The following ASIC2 variants were observed in gnomAD, a reference collection of about 807,000 sequenced individuals.
ASIC2 encodes acid sensing ion channel subunit 2.
A neutral mutation model predicts 57.3 loss-of-function variants in ASIC2; 25 were observed. The ratio of observed to expected loss-of-function variants is 0.44; its 90% CI spans 0.32 to 0.61. The LOEUF is 0.61. ASIC2 is among the 20% of genes least tolerant of loss of function. The pLI, the probability that ASIC2 is intolerant of heterozygous loss-of-function variation, is 0.06. For synonymous variants in ASIC2, 319 were observed against 307.5 expected (o/e 1.04, Z -0.39); for missense variants, 641 against 738.1 (o/e 0.87, Z 1.52).
chr17:33,710,085 G>T (rs1049159873), intron 1 of ASIC2, among the ~76,000 whole-genome samples: 6 of 152,204 alleles, frequency 3.9e-5, no homozygotes, highest in Admixed American at 3.9e-4. Context: ...AAGGAGATGA[G>T]ATTTCTCCTC....
chr17:33,379,358 C>T (rs1909395549), intron 1 of ASIC2, among the ~76,000 whole-genome samples: 1 of 152,188 alleles, frequency 6.6e-6, no homozygotes. Context: ...GCACTCAACG[C>T]AATGACTGGG....
chr17:33,539,050 G>T (rs1915324687), intron 1 of ASIC2, among the ~76,000 whole-genome samples: 1 of 152,184 alleles, frequency 6.6e-6, no homozygotes, highest in African/African-American at 2.4e-5. Flanking sequence ...CACAGACAGG[G>T]AACACAATCG....
chr17:33,127,690 G>C (rs904895801), intron 1 of ASIC2, among the ~76,000 whole-genome samples: 4 of 152,132 alleles, frequency 2.6e-5, no homozygotes, highest in African/African-American at 9.7e-5. Flanking sequence ...CCTCCTCTCA[G>C]TCCTGCCTAC....
intron 1 of ASIC2, among the ~76,000 whole-genome samples, chr17:33,496,952 C>T (rs1913955816): frequency 6.6e-6 from 1 of 152,106 alleles, no homozygotes; most frequent in South Asian, 2.1e-4. Flanking sequence ...TCCTGGTGCT[C>T]TGTGAGTCTC....
chr17:33,075,110 GGGAGGGACTA>G (rs1344788209), intron 3 of ASIC2, among the ~76,000 whole-genome samples: 1 of 152,140 alleles, frequency 6.6e-6, no homozygotes, highest in African/African-American at 2.4e-5. Context: ...CATGTGTTGT[GGGAGGGACTA>G]GGTGGGAGGT....
intron 1 of ASIC2, among the ~76,000 whole-genome samples, chr17:33,963,963 T>A (rs1436212436): frequency 1.3e-5 from 2 of 152,254 alleles, no homozygotes; most frequent in Admixed American, 6.5e-5. Flanking sequence ...CTTGACAAAG[T>A]CATTTGTTTT....
At chr17:33,681,702 C>G (rs1480822158) in intron 1 of ASIC2, among the ~76,000 whole-genome samples, 4 of 152,194 alleles carry the variant, frequency 2.6e-5, no homozygotes, top group Non-Finnish European at 5.9e-5. Flanking sequence ...TTCACCTGGT[C>G]GGCTCTAGTC....
chr17:33,048,551 T>C (rs953346851), intron 3 of ASIC2, among the ~76,000 whole-genome samples: 2 of 152,190 alleles, frequency 1.3e-5, no homozygotes, highest in Non-Finnish European at 2.9e-5. Flanking sequence ...TCCTAATGCA[T>C]GTTATGGTTA....
At position 33,756,591 on chromosome 17, in the gene ASIC2, A is replaced by C. The variant is rs181004536; in HGVS notation, c.555+399387T>G. On this transcript the variant is annotated intron_variant, in intron 1 of 9. Coordinates refer to the ASIC2 transcript ENST00000359872. ...CAAGAGCCAGGGCTTACCTTCTAGC[A>C]TCTGGACCCAGGAGATGTTTCTGAG... Among the ~76,000 whole-genome samples the C allele has an allele frequency of 1.5e-3, 224 of 152,340 alleles. 8 individuals are homozygous for C. Among genetic ancestry groups the C allele is most frequent in the Admixed American group, 0.014 (221 of 15,306 alleles).
intron 1 of ASIC2, among the ~76,000 whole-genome samples, chr17:33,746,731 T>C (rs146152183): frequency 1.4e-4 from 22 of 152,194 alleles, no homozygotes; most frequent in African/African-American, 5.3e-4. Context: ...TCAGTCCTAA[T>C]AGATCTCTAC....
intron 1 of ASIC2, among the ~76,000 whole-genome samples, chr17:33,942,246 G>C (rs1916209066): frequency 6.6e-6 from 1 of 152,156 alleles, no homozygotes; most frequent in African/African-American, 2.4e-5. Flanking sequence ...AGCTTGATAG[G>C]TGGGTTCCTG....
chr17:33,824,498 T>G (rs1448171710), intron 1 of ASIC2, among the ~76,000 whole-genome samples: 1 of 152,200 alleles, frequency 6.6e-6, no homozygotes, highest in Non-Finnish European at 1.5e-5. Context: ...AAGTATGAGC[T>G]GATGAGCTAT....
chr17:34,026,247 C>T (rs1160890015), intron 1 of ASIC2, among the ~76,000 whole-genome samples: 1 of 152,204 alleles, frequency 6.6e-6, no homozygotes, highest in Non-Finnish European at 1.5e-5. Flanking sequence ...GTATTCCCAA[C>T]AGCAGTATGC....
intron 1 of ASIC2, among the ~76,000 whole-genome samples, chr17:33,942,301 G>T (rs1258969304): frequency 1.3e-5 from 2 of 152,136 alleles, no homozygotes; most frequent in Admixed American, 1.3e-4. Flanking sequence ...CTGAAGAGGG[G>T]AACTCAACCC....
At chr17:33,304,131 G>A (rs895926033) in intron 1 of ASIC2, among the ~76,000 whole-genome samples, 2 of 152,176 alleles carry the variant, frequency 1.3e-5, no homozygotes, top group African/African-American at 4.8e-5. Flanking sequence ...GTGATACCAC[G>A]TCATCTGGAA....
intron 1 of ASIC2, among the ~76,000 whole-genome samples, chr17:33,177,102 T>G (rs1035735094): frequency 1.3e-5 from 2 of 151,930 alleles, no homozygotes; most frequent in African/African-American, 4.8e-5. Context: ...TCCTCTAGAG[T>G]AATAATGGGG....
chr17:34,123,827 A>G (rs1211912571), intron 1 of ASIC2, among the ~76,000 whole-genome samples: 1 of 152,194 alleles, frequency 6.6e-6, no homozygotes, highest in Non-Finnish European at 1.5e-5. Context: ...TACACCTGTA[A>G]TCCCAGCAGT....
At chr17:33,339,276 A>G (rs1441559861) in intron 1 of ASIC2, among the ~76,000 whole-genome samples, 1 of 152,118 alleles carries the variant, frequency 6.6e-6, no homozygotes, top group Non-Finnish European at 1.5e-5. Flanking sequence ...TGCTCAATAG[A>G]CTGAAGTTTC....
intron 1 of ASIC2, among the ~76,000 whole-genome samples, chr17:33,190,027 T>A (rs545885772): frequency 1.8e-3 from 267 of 152,140 alleles, no homozygotes; most frequent in African/African-American, 5.5e-3. Flanking sequence ...GTAGCAAAGG[T>A]CCTAACTAGT....
Sources: allele counts gnomAD v4.1 joint callset (sites outside exome capture counted in the v4.1 genomes callset), GRCh38; gene constraint gnomAD v4.1.1; transcripts MANE v1.5; gene names NCBI Gene and HGNC (gene_info 2026-07-23, HGNC 2026-07-21).